EPHA6: variants seen among roughly 807,000 people sequenced by gnomAD.
The protein encoded by EPHA6 is EPH receptor A6.
EPHA6 carries 50 observed loss-of-function variants against 112.0 expected under a neutral mutation model. That is an observed-to-expected ratio of 0.45 (90% CI 0.36 to 0.56). The LOEUF is 0.56. Ranked by LOEUF, EPHA6 falls within the 20% of genes least tolerant of loss-of-function variation. The probability of loss-of-function intolerance (pLI) is 0.00; values close to 1 mark genes in which losing one functional copy is unlikely to be tolerated. For missense variants in EPHA6, 1,280 were observed against 1,417.4 expected (o/e 0.90, Z 1.56); for synonymous variants, 529 against 490.7 (o/e 1.08, Z -1.03).
chr3:96,892,983 C>CGT lies in EPHA6; in HGVS notation c.450+26108_450+26109dup, dbSNP rs373852168. 2.9e-4 allele frequency among the ~76,000 whole-genome samples: 36 copies of CGT among 125,658 alleles called. 1 individual carries two copies. The highest frequency in any genetic ancestry group is 5.8e-4 in the African/African-American group (15 of 25,954). The allele number at this position is 125,658 out of a possible 152,430, so 82.4% of individuals were successfully genotyped here. On this transcript the variant is annotated intron_variant, in intron 2 of 17. Transcript: ENST00000389672. The stretch of plus-strand genomic sequence containing the variant: ...GTGTGTGTGTGTGTGTGTGTGTGTT[C>CGT]GTGTGTGTGTGTGTGCGCGCGCAAA...
intron 12 of EPHA6, among the ~76,000 whole-genome samples, chr3:97,594,581 A>G (rs2093571374): frequency 6.6e-6 from 1 of 152,180 alleles, no homozygotes; most frequent in African/African-American, 2.4e-5. Flanking sequence ...CTTTTTGGTA[A>G]TGACTGCTAC....
At chr3:97,629,226 C>T in intron 13 of EPHA6, among the ~76,000 whole-genome samples, 1 of 152,026 alleles carries the variant, frequency 6.6e-6, no homozygotes, top group Admixed American at 6.6e-5. Context: ...CCATGCCTGG[C>T]CAACTGTTTT....
intron 5 of EPHA6, among the ~76,000 whole-genome samples, chr3:97,278,177 C>A (rs907673763): frequency 1.3e-5 from 2 of 152,182 alleles, no homozygotes; most frequent in Non-Finnish European, 2.9e-5. Context: ...ATTTCTCATA[C>A]ATTTCTTTAA....
chr3:97,754,593 T>G lies in EPHA6; in HGVS notation c.*5892T>G, dbSNP rs752516970. Among the ~76,000 whole-genome samples, 1 of 152,246 alleles carries G rather than the reference T, an allele frequency of 6.6e-6. No individual in the cohort carries two copies. Among genetic ancestry groups the G allele is most frequent in the Non-Finnish European group, 1.5e-5 (1 of 68,032 alleles). Reference sequence around the variant, plus strand: ...GGCAGGCAAAGCACTAGGAAATGAATAAACTTTACCTTTTAAAAAGGAATC... The same window carrying G: ...GGCAGGCAAAGCACTAGGAAATGAAGAAACTTTACCTTTTAAAAAGGAATC... On this transcript the variant is annotated 3_prime_UTR_variant, in exon 18 of 18. Coordinates refer to ENST00000389672, the MANE Select transcript of EPHA6 (RefSeq NM_001080448.3).
At chr3:97,008,942 G>T (rs76475691) in intron 3 of EPHA6, among the ~76,000 whole-genome samples, 1 of 151,858 alleles carries the variant, frequency 6.6e-6, no homozygotes, top group African/African-American at 2.4e-5. Context: ...CATCTGATTC[G>T]CCCCCCTGCC....
chr3:97,458,905 C>T (rs1268558187), intron 7 of EPHA6, among the ~76,000 whole-genome samples: 1 of 152,074 alleles, frequency 6.6e-6, no homozygotes, highest in Non-Finnish European at 1.5e-5. Context: ...AAGGATAAAC[C>T]AGTTCCCTGC....
chr3:97,214,040 A>T lies in EPHA6; in HGVS notation c.1115-12224A>T, dbSNP rs868296889. Among the ~76,000 whole-genome samples the T allele has an allele frequency of 1.2e-3, 132 of 111,190 alleles. 1 individual carries two copies. The highest frequency in any genetic ancestry group is 5.6e-3 in the Admixed American group (58 of 10,326). The allele number at this position is 111,190 out of a possible 152,430, so 72.9% of individuals were successfully genotyped here. ...GTGTGTGTGTGTGTGTGTGTGTGTGAGAGAGAGAGAGAGAGGGAGAGGGAG... is the reference window on the plus strand; with the variant it reads ...GTGTGTGTGTGTGTGTGTGTGTGTGTGAGAGAGAGAGAGAGGGAGAGGGAG... On this transcript the variant is annotated intron_variant, in intron 3 of 17. Transcript: ENST00000389672.
chr3:97,158,822 C>T (rs528388597), intron 3 of EPHA6, among the ~76,000 whole-genome samples: 1 of 152,206 alleles, frequency 6.6e-6, no homozygotes, highest in South Asian at 2.1e-4. Context: ...GAGGTGACTG[C>T]ACCTCTAAAG....
rs560578977 is a variant in EPHA6 at position 97,445,084 on chromosome 3, A to T, written c.1732-3484A>T. On this transcript the variant is annotated intron_variant, in intron 6 of 17. Coordinates refer to ENST00000389672, the MANE Select transcript of EPHA6 (RefSeq NM_001080448.3). The stretch of plus-strand genomic sequence containing the variant: ...ATTTGGTTCCAAACTATTTTTTTTT[A>T]ATTTGGATACAAATATGTCAAACAG... 3.9e-5 allele frequency among the ~76,000 whole-genome samples: 6 copies of T among 152,058 alleles called. No homozygotes were observed. In the South Asian group the frequency reaches 6.2e-4, roughly 16 times the overall value.
chr3:97,371,985 T>A (rs2085085444), intron 5 of EPHA6, among the ~76,000 whole-genome samples: 1 of 152,172 alleles, frequency 6.6e-6, no homozygotes, highest in Non-Finnish European at 1.5e-5. Flanking sequence ...TAAGATGTTA[T>A]CAATGACAAT....
chr3:96,960,907 C>A (rs1005641122), intron 2 of EPHA6, among the ~76,000 whole-genome samples: 1 of 152,154 alleles, frequency 6.6e-6, no homozygotes, highest in African/African-American at 2.4e-5. Context: ...TTCTATCCTT[C>A]TCTCCCTTTC....
At chr3:97,039,519 G>C (rs941608354) in intron 3 of EPHA6, among the ~76,000 whole-genome samples, 1 of 151,954 alleles carries the variant, frequency 6.6e-6, no homozygotes, top group African/African-American at 2.4e-5. Context: ...GATATAGTTA[G>C]TTGGAATAGA....
At chr3:96,898,961 G>A (rs1462310431) in intron 2 of EPHA6, among the ~76,000 whole-genome samples, 1 of 151,356 alleles carries the variant, frequency 6.6e-6, no homozygotes, top group Non-Finnish European at 1.5e-5. Flanking sequence ...CCGGGAGGCG[G>A]AGCTTGCAGT....
At chr3:96,898,527 C>A (rs2107563414) in intron 2 of EPHA6, among the ~76,000 whole-genome samples, 2 of 152,030 alleles carry the variant, frequency 1.3e-5, no homozygotes, top group Middle Eastern at 3.4e-3. Flanking sequence ...CAGTGCTTAC[C>A]CATTCATAAA....
chr3:96,885,095 T>G (rs1445452590), intron 2 of EPHA6, among the ~76,000 whole-genome samples: 1 of 152,170 alleles, frequency 6.6e-6, no homozygotes, highest in Non-Finnish European at 1.5e-5. Context: ...TGGTGGATTA[T>G]CTTTTTGATA....
intron 3 of EPHA6, among the ~76,000 whole-genome samples, chr3:97,105,674 A>G (rs2047545282): frequency 1.3e-5 from 2 of 152,022 alleles, no homozygotes; most frequent in Non-Finnish European, 2.9e-5. Context: ...GATTCATTTC[A>G]TCCAAGGTTG....
chr3:96,918,737 A>G (rs1253855140), intron 2 of EPHA6, among the ~76,000 whole-genome samples: 6 of 151,942 alleles, frequency 3.9e-5, no homozygotes, highest in Non-Finnish European at 8.8e-5. Flanking sequence ...TTTTTTTTAA[A>G]TGCTTGAGGT....
intron 3 of EPHA6, among the ~76,000 whole-genome samples, chr3:97,133,876 TTTTAAG>T (rs1466381110): frequency 1.3e-5 from 2 of 152,030 alleles, no homozygotes; most frequent in African/African-American, 4.8e-5. Flanking sequence ...AATTTTATCC[TTTTAAG>T]TTTATCAACA....
At chr3:97,024,492 C>A (rs1237913524) in intron 3 of EPHA6, among the ~76,000 whole-genome samples, 2 of 152,090 alleles carry the variant, frequency 1.3e-5, no homozygotes, top group Non-Finnish European at 2.9e-5. Context: ...GAGTTAAACA[C>A]TTTAAGTTCC....
Sources: allele counts gnomAD v4.1 joint callset (sites outside exome capture counted in the v4.1 genomes callset), GRCh38; gene constraint gnomAD v4.1.1; transcripts MANE v1.5; gene names NCBI Gene and HGNC (gene_info 2026-07-23, HGNC 2026-07-21).